TCF4: variants seen among roughly 807,000 people sequenced by gnomAD.
TCF4 encodes the protein SL3-3 enhancer factor 2.
TCF4 carries 3 observed loss-of-function variants against 82.1 expected under a neutral mutation model. The ratio of observed to expected loss-of-function variants is 0.04; its 90% CI spans 0.02 to 0.09. The LOEUF is 0.09. Ranked by LOEUF, TCF4 falls within the 10% of genes least tolerant of loss-of-function variation. The pLI is 1.00. For missense variants in TCF4, 518 were observed against 852.7 expected, an observed-to-expected ratio of 0.61 and a Z score of 4.89; for synonymous variants, 276 against 309.6, an observed-to-expected ratio of 0.89 and a Z score of 1.14.
intron 6 of TCF4, among the ~76,000 whole-genome samples, chr18:55,353,879 T>G (rs1208181888): frequency 1.3e-5 from 2 of 152,218 alleles, no homozygotes; most frequent in African/African-American, 4.8e-5. Context: ...AAAGTTAAGC[T>G]TGAAAACTAC....
At chr18:55,510,567 A>G in intron 3 of TCF4, 3 of 1,485,324 alleles carry the variant, frequency 2.0e-6, no homozygotes, top group Non-Finnish European at 2.7e-6. Flanking sequence ...TACAAGTTAC[A>G]TAAATATTTA....
At chr18:55,318,514 C>G (rs1348438845) in intron 8 of TCF4, among the ~76,000 whole-genome samples, 3 of 151,982 alleles carry the variant, frequency 2.0e-5, no homozygotes, top group East Asian at 3.9e-4. Flanking sequence ...AAAAAAATCA[C>G]AAAAATTATT....
chr18:55,265,817 G>GAT (rs2145851118), intron 11 of TCF4: 1 of 152,276 alleles, frequency 6.6e-6, no homozygotes, highest in East Asian at 1.9e-4. Flanking sequence ...GAACCAGATA[G>GAT]ATATTCCAGG....
intron 3 of TCF4, among the ~76,000 whole-genome samples, chr18:55,503,083 A>G (rs1471275116): frequency 6.6e-6 from 1 of 152,232 alleles, no homozygotes. Flanking sequence ...TGCCTTAGTT[A>G]CTAGTGCAAC....
intron 2 of TCF4, among the ~76,000 whole-genome samples, chr18:55,627,854 A>G (rs2097728058): frequency 6.6e-6 from 1 of 151,658 alleles, no homozygotes; most frequent in Non-Finnish European, 1.5e-5. Flanking sequence ...AGGTTAGGAG[A>G]TCGATACCAT....
intron 6 of TCF4, among the ~76,000 whole-genome samples, chr18:55,394,430 T>C (rs534731055): frequency 1.1e-4 from 16 of 152,306 alleles, no homozygotes; most frequent in East Asian, 9.7e-4. Context: ...ATTCAAGTCA[T>C]AGAAATTGTT....
intron 5 of TCF4, among the ~76,000 whole-genome samples, chr18:55,439,519 T>G (rs2095397787): frequency 6.6e-6 from 1 of 152,128 alleles, no homozygotes; most frequent in Non-Finnish European, 1.5e-5. Context: ...TCCATCCCAG[T>G]AGTCCAGGAT....
intron 5 of TCF4, among the ~76,000 whole-genome samples, chr18:55,431,118 G>A (rs779339957): frequency 1.3e-5 from 2 of 152,158 alleles, no homozygotes; most frequent in Non-Finnish European, 2.9e-5. Flanking sequence ...GAATAAAAAC[G>A]AAGCACATTT....
intron 6 of TCF4, among the ~76,000 whole-genome samples, chr18:55,386,280 A>G (rs2092596899): frequency 6.6e-6 from 1 of 152,172 alleles, no homozygotes; most frequent in Admixed American, 6.5e-5. Context: ...ACTCTTTCAA[A>G]GCTATAATAC....
intron 2 of TCF4, among the ~76,000 whole-genome samples, chr18:55,601,448 T>G (rs1389294081): frequency 7.2e-6 from 1 of 139,768 alleles, no homozygotes; most frequent in African/African-American, 2.8e-5. Flanking sequence ...GACTTCTGAT[T>G]TTACATTCCA....
At chr18:55,484,751 A>T (rs1262407901) in intron 3 of TCF4, among the ~76,000 whole-genome samples, 2 of 152,208 alleles carry the variant, frequency 1.3e-5, no homozygotes, top group African/African-American at 2.4e-5. Context: ...AAATACAAAC[A>T]TGACTTCCTT....
In TCF4 at chr18:55,257,430, A is replaced by G. The variant is rs750951485; in HGVS notation, c.1070-39T>C. 3.1e-6 allele frequency: 5 copies of G among 1,597,170 alleles called. No individual in the cohort carries two copies. The East Asian group carries it at 1.1e-4, about 36-fold the overall frequency. Reference sequence around the variant, plus strand: ...GGGAATTACAATCAGATCTAGACACATGTAAAAAGACGCTTGCCAATATTT... The same window carrying G: ...GGGAATTACAATCAGATCTAGACACGTGTAAAAAGACGCTTGCCAATATTT... On this transcript the variant is annotated intron_variant, in intron 13 of 19. Transcript: ENST00000354452.
At chr18:55,275,029 T>C (rs1376129917) in intron 10 of TCF4, among the ~76,000 whole-genome samples, 1 of 151,962 alleles carries the variant, frequency 6.6e-6, no homozygotes, top group East Asian at 1.9e-4. Context: ...ACAGTATGAG[T>C]GGCAGGCTGG....
chr18:55,461,716 A>T (rs1286529842), intron 4 of TCF4, among the ~76,000 whole-genome samples: 1 of 152,336 alleles, frequency 6.6e-6, no homozygotes, highest in East Asian at 1.9e-4. Flanking sequence ...AAACATTAGC[A>T]TAAATTAGCA....
intron 2 of TCF4, among the ~76,000 whole-genome samples, chr18:55,609,637 G>T (rs1377187773): frequency 6.6e-6 from 1 of 152,164 alleles, no homozygotes; most frequent in Non-Finnish European, 1.5e-5. Context: ...GGAGTATCAT[G>T]ACATGAACAT....
At chr18:55,537,759 G>A (rs2097129929) in intron 3 of TCF4, among the ~76,000 whole-genome samples, 1 of 152,084 alleles carries the variant, frequency 6.6e-6, no homozygotes, top group Non-Finnish European at 1.5e-5. Flanking sequence ...TCATATTTCA[G>A]AAGCTATTTG....
At chr18:55,632,273 C>T (rs778944507) in intron 1 of TCF4, among the ~76,000 whole-genome samples, 5 of 152,116 alleles carry the variant, frequency 3.3e-5, no homozygotes, top group Admixed American at 1.3e-4. Context: ...CTCCTGACCT[C>T]GTGATTCACT....
chr18:55,374,179 G>A (rs1314203049), intron 6 of TCF4, among the ~76,000 whole-genome samples: 1 of 151,624 alleles, frequency 6.6e-6, no homozygotes, highest in Non-Finnish European at 1.5e-5. Context: ...AAAAATAATG[G>A]CCTTAAATTG....
Position 55,228,047 on chromosome 18 carries a change from G to T in TCF4, c.*5-17C>A. 1 of 806,278 alleles carries T rather than the reference G, an allele frequency of 1.2e-6. No homozygotes were observed. 49.9% of individuals were successfully genotyped at this position (806,278 alleles called of 1,614,324 possible). Reference sequence around the variant, plus strand: ...AACTTGGACCTGAGAAAGGAAAAAAGAGAGAAAAAATTCATTAATATATTT... The same window carrying T: ...AACTTGGACCTGAGAAAGGAAAAAATAGAGAAAAAATTCATTAATATATTT... On this transcript the variant is annotated splice_polypyrimidine_tract_variant and intron_variant, in intron 19 of 19. Transcript: ENST00000354452.
Sources: allele counts gnomAD v4.1 joint callset (sites outside exome capture counted in the v4.1 genomes callset), GRCh38; gene constraint gnomAD v4.1.1; transcripts MANE v1.5; gene names NCBI Gene and HGNC (gene_info 2026-07-23, HGNC 2026-07-21).